The following AGBL3 variants were observed in gnomAD, a reference collection of about 807,000 sequenced individuals.
AGBL3 encodes the protein cytosolic carboxypeptidase 3.
A neutral mutation model predicts 94.5 loss-of-function variants in AGBL3; 68 were observed. The observed-to-expected ratio is 0.72, with a 90% CI of 0.59 to 0.88. The LOEUF (loss-of-function observed/expected upper bound fraction) is 0.88. Ranked by LOEUF, AGBL3 falls within the 40% of genes least tolerant of loss-of-function variation. AGBL3 has a pLI of 0.00. For synonymous variants in AGBL3, 354 were observed against 370.7 expected, an observed-to-expected ratio of 0.95 and a Z score of 0.52; for missense variants, 934 against 1,103.8, an observed-to-expected ratio of 0.85 and a Z score of 2.18.
intron 15 of AGBL3, among the ~76,000 whole-genome samples, chr7:135,090,410 A>G (rs1266619417): frequency 6.6e-6 from 1 of 152,160 alleles, no homozygotes; most frequent in Admixed American, 6.5e-5. Context: ...AGGGTGGGGC[A>G]TCTCAGCTCA....
intron 13 of AGBL3, among the ~76,000 whole-genome samples, chr7:135,079,223 C>A (rs1349038774): frequency 2.6e-5 from 4 of 152,156 alleles, no homozygotes; most frequent in Admixed American, 6.5e-5. Context: ...TACTAATTTT[C>A]TTCAGCCTGA....
At chr7:135,121,062 G>A (rs554988194) in intron 16 of AGBL3, among the ~76,000 whole-genome samples, 4 of 152,222 alleles carry the variant, frequency 2.6e-5, no homozygotes, top group Non-Finnish European at 4.4e-5. Context: ...AAAATTAGCC[G>A]GGTGTGGTGT....
chr7:135,116,450 T>C (rs1205803898), intron 16 of AGBL3, among the ~76,000 whole-genome samples: 2 of 152,220 alleles, frequency 1.3e-5, no homozygotes, highest in African/African-American at 4.8e-5. Context: ...GTGAAGGCTA[T>C]GAACCATTGC....
intron 4 of AGBL3, among the ~76,000 whole-genome samples, chr7:135,000,114 T>C (rs1811528731): frequency 6.6e-6 from 1 of 152,210 alleles, no homozygotes; most frequent in South Asian, 2.1e-4. Context: ...TTCCATTTAT[T>C]ATGGAGCCCT....
At chr7:135,098,144 A>G (rs574136194) in intron 15 of AGBL3, among the ~76,000 whole-genome samples, 1 of 152,300 alleles carries the variant, frequency 6.6e-6, no homozygotes, top group Admixed American at 6.5e-5. Flanking sequence ...GACAGTTTTG[A>G]AAAGCTGGAA....
intron 5 of AGBL3, among the ~76,000 whole-genome samples, chr7:135,026,360 C>T (rs944376498): frequency 4.0e-5 from 6 of 150,282 alleles, no homozygotes; most frequent in African/African-American, 1.5e-4. Context: ...TTGCAACCTC[C>T]GCCTCTTAGG....
At chr7:135,071,726 T>C (rs1056059806) in intron 12 of AGBL3, among the ~76,000 whole-genome samples, 1 of 152,246 alleles carries the variant, frequency 6.6e-6, no homozygotes, top group African/African-American at 2.4e-5. Context: ...AAGCTGAAAC[T>C]GAATCTCTTC....
chr7:135,042,619 A>G (rs1032297233), intron 8 of AGBL3, among the ~76,000 whole-genome samples: 4 of 152,168 alleles, frequency 2.6e-5, no homozygotes, highest in Non-Finnish European at 5.9e-5. Context: ...GTTAAAATTC[A>G]TAAAATGAGG....
At chr7:135,033,502 C>T (rs977298874) in intron 6 of AGBL3, among the ~76,000 whole-genome samples, 5 of 152,078 alleles carry the variant, frequency 3.3e-5, no homozygotes, top group Non-Finnish European at 4.4e-5. Flanking sequence ...GTGCAGAGTG[C>T]TTATAGAATA....
intron 12 of AGBL3, among the ~76,000 whole-genome samples, chr7:135,072,591 A>G (rs572911481): frequency 6.6e-6 from 1 of 152,304 alleles, no homozygotes; most frequent in Non-Finnish European, 1.5e-5. Context: ...GCCATAAAAA[A>G]TGATAAGTTC....
chr7:134,995,662 GC>G (rs1810919431), intron 4 of AGBL3: 1 of 152,136 alleles, frequency 6.6e-6, no homozygotes, highest in Non-Finnish European at 1.5e-5. Context: ...TAGACTTTGG[GC>G]CCTGTGAATC....
intron 12 of AGBL3, among the ~76,000 whole-genome samples, chr7:135,066,752 G>T (rs150923011): frequency 2.0e-5 from 3 of 152,158 alleles, no homozygotes; most frequent in Non-Finnish European, 4.4e-5. Flanking sequence ...GATGAGGGGG[G>T]ATTTTAGAGC....
Position 135,023,606 on chromosome 7 carries a change from C to T in AGBL3, c.418+6447C>T, listed in dbSNP as rs1584867629. Among the ~76,000 whole-genome samples the T allele has an allele frequency of 2.6e-5, 4 of 152,312 alleles. No homozygotes were observed. The South Asian group carries it at 8.3e-4, about 32-fold the overall frequency. Reference sequence around the variant, plus strand: ...TGCACATGGGGCAGCTGAAGCAGAACACAGCCATAGGTGCCCATCTTCTAA... The same window carrying T: ...TGCACATGGGGCAGCTGAAGCAGAATACAGCCATAGGTGCCCATCTTCTAA... On this transcript the variant is annotated intron_variant, in intron 5 of 16. Transcript: ENST00000436302.
intron 4 of AGBL3, among the ~76,000 whole-genome samples, chr7:135,013,696 A>G (rs1321371507): frequency 6.6e-6 from 1 of 151,746 alleles, no homozygotes; most frequent in African/African-American, 2.4e-5. Context: ...TTTACATTTT[A>G]CAATGGTAAG....
At position 135,088,523 on chromosome 7, in the gene AGBL3, C is replaced by T. The variant is rs142724990; in HGVS notation, c.2110+6733C>T. Among the ~76,000 whole-genome samples, 345 of 152,052 alleles carry T rather than the reference C, an allele frequency of 2.3e-3. 1 individual carries two copies. Among genetic ancestry groups the T allele is most frequent in the African/African-American group, 7.6e-3 (316 of 41,486 alleles). On this transcript the variant is annotated intron_variant, in intron 15 of 16. Coordinates refer to ENST00000436302, the MANE Select transcript of AGBL3 (RefSeq NM_178563.4). ...TAATGATAGTGATTATTATCTTTTT[C>T]CTTCCAAATGTAGTATTCCCTAGAT... is the stretch of plus-strand genomic sequence containing the variant.
chr7:135,066,410 A>G (rs1485203768), intron 12 of AGBL3, among the ~76,000 whole-genome samples: 1 of 152,244 alleles, frequency 6.6e-6, no homozygotes, highest in Non-Finnish European at 1.5e-5. Context: ...GAGAAATTCA[A>G]ATCAAAACCA....
intron 16 of AGBL3, among the ~76,000 whole-genome samples, chr7:135,119,146 G>A (rs182319483): frequency 1.3e-5 from 2 of 152,092 alleles, no homozygotes; most frequent in Admixed American, 1.3e-4. Context: ...AATTTGACAG[G>A]AGACATAAAC....
intron 4 of AGBL3, among the ~76,000 whole-genome samples, chr7:134,997,857 T>C (rs1811203996): frequency 6.6e-6 from 1 of 152,226 alleles, no homozygotes; most frequent in Admixed American, 6.5e-5. Flanking sequence ...GCCTAGGCTC[T>C]CTTTAACAAA....
At chr7:135,067,829 C>T (rs1162933778) in intron 12 of AGBL3, among the ~76,000 whole-genome samples, 8 of 152,140 alleles carry the variant, frequency 5.3e-5, no homozygotes, top group African/African-American at 9.7e-5. Flanking sequence ...AAAATCAGAG[C>T]GCCTCTCCTC....
Sources: allele counts gnomAD v4.1 joint callset (sites outside exome capture counted in the v4.1 genomes callset), GRCh38; gene constraint gnomAD v4.1.1; transcripts MANE v1.5; gene names NCBI Gene and HGNC (gene_info 2026-07-23, HGNC 2026-07-21).